Variants in FAT3 observed in about 807,000 individuals in gnomAD.
The protein encoded by FAT3 is protocadherin Fat 3.
Under a neutral mutation model 310.2 loss-of-function variants are expected in FAT3, and 95 were observed. The observed-to-expected ratio is 0.31, with a 90% CI of 0.26 to 0.36. The LOEUF is 0.36. FAT3 is among the 10% of genes least tolerant of loss of function. The probability of loss-of-function intolerance (pLI) is 1.00; values close to 1 mark genes in which losing one functional copy is unlikely to be tolerated. For synonymous variants in FAT3, 2,314 were observed against 2,192.9 expected, an observed-to-expected ratio of 1.06 and a Z score of -1.54; for missense variants, 5,408 against 5,715.6, an observed-to-expected ratio of 0.95 and a Z score of 1.74.
chr11:92,585,183 G>T (rs187766651), intron 3 of FAT3, among the ~76,000 whole-genome samples: 13 of 152,178 alleles, frequency 8.5e-5, no homozygotes, highest in Admixed American at 2.6e-4. Context: ...AGACGTGAAG[G>T]GTTGGGGGAC....
chr11:92,575,132 C>T (rs1938409589), intron 3 of FAT3, among the ~76,000 whole-genome samples: 1 of 152,036 alleles, frequency 6.6e-6, no homozygotes, highest in African/African-American at 2.4e-5. Flanking sequence ...TGTTGTTTCA[C>T]TAATATCTTT....
At chr11:92,255,414 C>A (rs777281790) in intron 1 of FAT3, among the ~76,000 whole-genome samples, 2 of 151,184 alleles carry the variant, frequency 1.3e-5, no homozygotes, top group Non-Finnish European at 2.9e-5. Flanking sequence ...TTGTCTACCT[C>A]ATTGGATACT....
chr11:92,318,685 T>C (rs1169910459), intron 1 of FAT3, among the ~76,000 whole-genome samples: 1 of 152,178 alleles, frequency 6.6e-6, no homozygotes, highest in Non-Finnish European at 1.5e-5. Flanking sequence ...AAAAGCATTG[T>C]TTTTCTTAAA....
chr11:92,484,514 A>T (rs1293711449), intron 2 of FAT3, among the ~76,000 whole-genome samples: 1 of 152,166 alleles, frequency 6.6e-6, no homozygotes, highest in Non-Finnish European at 1.5e-5. Flanking sequence ...GATGATGAAA[A>T]ACTACTTCAG....
Position 92,878,583 on chromosome 11 carries a change from C to T in FAT3, c.12128-2148C>T, listed in dbSNP as rs182694293. Among the ~76,000 whole-genome samples the T allele has an allele frequency of 7.0e-5, 8 of 114,698 alleles. No homozygotes were observed. In the Admixed American group the frequency reaches 9.6e-4, roughly 14 times the overall value. The allele number at this position is 114,698 out of a possible 152,430, so 75.2% of individuals were successfully genotyped here. ...TAAAAGTATTATTAATATCCTCAGACAGATAAGAGAAGATACTATAACCAC... is the reference window on the plus strand; with the variant it reads ...TAAAAGTATTATTAATATCCTCAGATAGATAAGAGAAGATACTATAACCAC... On this transcript the variant is annotated intron_variant, in intron 22 of 27. Transcript: ENST00000525166.
chr11:92,242,007 C>T (rs1864685448), intron 1 of FAT3, among the ~76,000 whole-genome samples: 1 of 152,006 alleles, frequency 6.6e-6, no homozygotes, highest in African/African-American at 2.4e-5. Context: ...CACTCTTACA[C>T]TTGATATAAG....
chr11:92,480,741 A>G (rs1003029564), intron 2 of FAT3, among the ~76,000 whole-genome samples: 2 of 152,174 alleles, frequency 1.3e-5, no homozygotes, highest in African/African-American at 4.8e-5. Flanking sequence ...GTGCTTAGTT[A>G]TAAGCATTGG....
chr11:92,272,021 G>A (rs759354312), intron 1 of FAT3, among the ~76,000 whole-genome samples: 1 of 152,044 alleles, frequency 6.6e-6, no homozygotes, highest in Non-Finnish European at 1.5e-5. Context: ...TATAAGAACT[G>A]AGACCAACTC....
chr11:92,813,526 A>G (rs1947739005), intron 13 of FAT3, among the ~76,000 whole-genome samples: 1 of 152,084 alleles, frequency 6.6e-6, no homozygotes, highest in Non-Finnish European at 1.5e-5. Context: ...TTCATACATC[A>G]CACGCCTCCC....
At chr11:92,540,775 GTTTTT>G (rs58218154) in intron 3 of FAT3, among the ~76,000 whole-genome samples, 12 of 140,648 alleles carry the variant, frequency 8.5e-5, no homozygotes, top group Non-Finnish European at 1.6e-4. Flanking sequence ...GTTTTGTTTT[GTTTTT>G]TTTGACACAG....
chr11:92,814,293 C>G (rs1396684916), intron 13 of FAT3, among the ~76,000 whole-genome samples: 1 of 152,238 alleles, frequency 6.6e-6, no homozygotes, highest in Non-Finnish European at 1.5e-5. Context: ...GACTCTGTGA[C>G]TTGCTAAACC....
chr11:92,777,661 AT>A (rs1946631706), intron 7 of FAT3, among the ~76,000 whole-genome samples: 1 of 152,090 alleles, frequency 6.6e-6, no homozygotes, highest in Non-Finnish European at 1.5e-5. Flanking sequence ...GTAGCAGGTA[AT>A]TTTGCATCCC....
At position 92,662,759 on chromosome 11, in the gene FAT3, C is replaced by T. The variant is rs537664116; in HGVS notation, c.3608-34625C>T. On this transcript the variant is annotated intron_variant, in intron 3 of 27. Coordinates refer to ENST00000525166, the MANE Select transcript of FAT3 (RefSeq NM_001367949.2). ...TAATCTTTGCAATTTTGTCAGCTCA[C>T]TAAGTCATTTGTCATGTTTCATCAC... Among the ~76,000 whole-genome samples, 5 of 152,322 alleles carry T rather than the reference C, an allele frequency of 3.3e-5. No individual in the cohort carries two copies. In the East Asian group the frequency reaches 7.7e-4, roughly 24 times the overall value.
At chr11:92,332,668 C>T (rs1041412803) in intron 1 of FAT3, among the ~76,000 whole-genome samples, 2 of 151,954 alleles carry the variant, frequency 1.3e-5, no homozygotes, top group African/African-American at 4.8e-5. Context: ...GTTTTACCAT[C>T]CATAAAATGG....
chr11:92,838,055 T>C (rs749660352), intron 17 of FAT3, among the ~76,000 whole-genome samples: 2 of 152,142 alleles, frequency 1.3e-5, no homozygotes, highest in Non-Finnish European at 1.5e-5. Flanking sequence ...ACAACAACAC[T>C]GTGAAGAGGG....
chr11:92,414,235 T>C (rs895981741), intron 2 of FAT3, among the ~76,000 whole-genome samples: 1 of 152,178 alleles, frequency 6.6e-6, no homozygotes, highest in African/African-American at 2.4e-5. Flanking sequence ...CTGAGAGAGA[T>C]CACGGACACC....
intron 3 of FAT3, among the ~76,000 whole-genome samples, chr11:92,606,840 G>C (rs934035320): frequency 6.6e-6 from 1 of 152,158 alleles, no homozygotes; most frequent in Non-Finnish European, 1.5e-5. Flanking sequence ...GCAGATGAGG[G>C]TAGGAAGTGC....
chr11:92,304,401 T>C (rs1947070838), intron 1 of FAT3, among the ~76,000 whole-genome samples: 1 of 152,110 alleles, frequency 6.6e-6, no homozygotes, highest in Non-Finnish European at 1.5e-5. Context: ...GGATAACTGA[T>C]GAAGACTTGT....
chr11:92,753,428 G>A (rs1383871463), intron 4 of FAT3, among the ~76,000 whole-genome samples: 2 of 152,184 alleles, frequency 1.3e-5, no homozygotes, highest in African/African-American at 4.8e-5. Flanking sequence ...ATAGGTTGCT[G>A]GGGCAACGTG....
Sources: gnomAD v4.1 joint callset for allele counts (sites outside exome capture counted in the v4.1 genomes callset) on GRCh38, gnomAD v4.1.1 for gene constraint, MANE v1.5 for transcripts, NCBI Gene and HGNC (gene_info 2026-07-23, HGNC 2026-07-21) for gene names.